KIFC1: variants seen among roughly 807,000 people sequenced by gnomAD.
KIFC1 encodes kinesin-like protein KIFC1.
In KIFC1, 37 loss-of-function variants were observed where a neutral mutation model predicts 66.6. That is an observed-to-expected ratio of 0.56 (90% CI 0.43 to 0.73). KIFC1 has a LOEUF of 0.73. KIFC1 is among the 30% of genes least tolerant of loss of function. The pLI is 0.00. For synonymous variants in KIFC1, 325 were observed against 343.5 expected (o/e 0.95, Z 0.60); for missense variants, 721 against 859.8 (o/e 0.84, Z 2.02).
chr6:33,396,436 C>CTTTTTT (rs199749552), intron 1 of KIFC1, among the ~76,000 whole-genome samples: 312 of 116,226 alleles, frequency 2.7e-3, no homozygotes, highest in African/African-American at 8.1e-3. Flanking sequence ...CTTTTCTTTT[C>CTTTTTT]TTTTTTTTTT....
chr6:33,403,578 G>A lies in KIFC1; in HGVS notation c.355+43G>A. 6.2e-7 allele frequency: 1 copy of A among 1,606,242 alleles called. No homozygotes were observed. The highest frequency in any genetic ancestry group is 8.5e-7 in the Non-Finnish European group (1 of 1,172,848). ...CCACTGGGTGAGAGGCTGGGATAGGGAAGAGAAGATGGTGAGTGACCAGAA... is the reference window on the plus strand; with the variant it reads ...CCACTGGGTGAGAGGCTGGGATAGGAAAGAGAAGATGGTGAGTGACCAGAA... On this transcript the variant is annotated intron_variant, in intron 5 of 10. Coordinates refer to ENST00000428849, the MANE Select transcript of KIFC1 (RefSeq NM_002263.4). This position sits in a 1 kb window ranked among gnomAD's most constrained non-coding sequence, Gnocchi z 4.6.
chr6:33,409,752 T>TGA lies in KIFC1; in HGVS notation c.*63_*64insAG. 1 of 1,422,040 alleles carries TGA rather than the reference T, an allele frequency of 7.0e-7. No homozygotes were observed. The highest frequency in any genetic ancestry group is 9.7e-7 in the Non-Finnish European group (1 of 1,026,894). 88.1% of individuals were successfully genotyped at this position (1,422,040 alleles called of 1,614,324 possible). On this transcript the variant is annotated 3_prime_UTR_variant, in exon 11 of 11. Transcript: ENST00000428849. ...GTGTGTGTGTGTGTGTGTGTGTGTG[T>TGA]GTCCCTATGTCTATGTATCGGGTGA...
In KIFC1 at chr6:33,404,048, C is replaced by T. The variant is rs921717768; in HGVS notation, c.675C>T (p.Gly225=). The part of the protein sequence containing the change: ...ELEERLSTQE[G]LVQELQKKQV... ...AAGAGCGGCTGAGCACGCAGGAGGGCTTGGTGCAAGAGCTTCAGAAAAAAC... is the reference window on the plus strand; with the variant it reads ...AAGAGCGGCTGAGCACGCAGGAGGGTTTGGTGCAAGAGCTTCAGAAAAAAC... Residue 225 remains glycine (G), a synonymous_variant, in exon 6 of 11, where the codon GGC becomes GGT. Transcript: ENST00000428849. The surrounding 1 kb of genome is among the most constrained non-coding windows in gnomAD (Gnocchi z 4.0). 3 of 1,614,092 alleles carry T rather than the reference C, an allele frequency of 1.9e-6. No individual in the cohort carries two copies. Among genetic ancestry groups the T allele is most frequent in the Non-Finnish European group, 2.5e-6 (3 of 1,179,998 alleles).
At position 33,403,239 on chromosome 6, in the gene KIFC1, C is replaced by A; in HGVS notation, c.251-75C>A. ...AATTCTGAGAAAAGCACTTCTTCTG[C>A]CCCTGTCCTAGCAAGTGTACATGCC... On this transcript the variant is annotated intron_variant, in intron 3 of 10. Transcript: ENST00000428849. The surrounding 1 kb of genome is among the most constrained non-coding windows in gnomAD (Gnocchi z 4.6). 1 of 1,330,740 alleles carries A rather than the reference C, an allele frequency of 7.5e-7. No homozygotes were observed. Among genetic ancestry groups the A allele is most frequent in the South Asian group, 1.2e-5 (1 of 85,112 alleles). The allele number at this position is 1,330,740 out of a possible 1,614,324, so 82.4% of individuals were successfully genotyped here. A position where few individuals can be genotyped will look rare whatever the true frequency, so the allele number is the denominator to read the frequency against.
At position 33,406,976 on chromosome 6, in the gene KIFC1, A is replaced by G. The variant is rs938880698; in HGVS notation, c.1977+101A>G. On this transcript the variant is annotated intron_variant, in intron 10 of 10. Transcript: ENST00000428849. This position sits in a 1 kb window ranked among gnomAD's most constrained non-coding sequence, Gnocchi z 4.5. ...TCTAGGGCAGGGAGCACATTTGTGCAGAAAGGTTTTGCAGGTATCTGAGGC... is the reference window on the plus strand; with the variant it reads ...TCTAGGGCAGGGAGCACATTTGTGCGGAAAGGTTTTGCAGGTATCTGAGGC... 3.2e-6 allele frequency: 5 copies of G among 1,539,462 alleles called. No homozygotes were observed. The African/African-American group carries it at 5.5e-5, about 17-fold the overall frequency.
chr6:33,391,894 C>A lies in KIFC1; in HGVS notation c.-92C>A, dbSNP rs1210872592. 89 of 1,510,380 alleles carry A rather than the reference C, an allele frequency of 5.9e-5. No homozygotes were observed. Among genetic ancestry groups the A allele is most frequent in the Non-Finnish European group, 7.5e-5 (82 of 1,091,164 alleles). The allele number at this position is 1,510,380 out of a possible 1,614,324, so 93.6% of individuals were successfully genotyped here. On this transcript the variant is annotated 5_prime_UTR_variant, in exon 1 of 11. Transcript: ENST00000428849. ...GCCGTGCGAGTTCTCTACCCTGCTT[C>A]GCGAGCGGGCGAGAGAACGCGAGTC...
intron 1 of KIFC1, among the ~76,000 whole-genome samples, chr6:33,397,296 CT>C (rs9280438): frequency 0.41 from 41,451 of 102,012 alleles, 6,522 homozygotes; most frequent in Middle Eastern, 0.52. Context: ...TTCTAATGCC[CT>C]TTTTTTTTTT....
At position 33,404,246 on chromosome 6, in the gene KIFC1, G is replaced by A. The variant is rs2151091171; in HGVS notation, c.756+117G>A. On this transcript the variant is annotated intron_variant, in intron 6 of 10. Transcript: ENST00000428849. The surrounding 1 kb of genome is among the most constrained non-coding windows in gnomAD (Gnocchi z 4.0). ...GAGAACTCCTGAGCACCTATCTTTA[G>A]CAGTATAGGTGCTGCTGAAGATACC... 1 of 955,208 alleles carries A rather than the reference G, an allele frequency of 1.0e-6. No homozygotes were observed. Among genetic ancestry groups the A allele is most frequent in the East Asian group, 2.6e-5 (1 of 38,860 alleles). The allele number at this position is 955,208 out of a possible 1,614,324, so 59.2% of individuals were successfully genotyped here.
At chr6:33,395,287 A>C (rs562781675) in intron 1 of KIFC1, among the ~76,000 whole-genome samples, 145 of 152,278 alleles carry the variant, frequency 9.5e-4, no homozygotes, top group African/African-American at 3.3e-3. Context: ...TTTCGAAGAA[A>C]TAATAGAGTT....
intron 1 of KIFC1, among the ~76,000 whole-genome samples, chr6:33,395,442 A>G (rs1774985729): frequency 6.6e-6 from 1 of 152,146 alleles, no homozygotes; most frequent in African/African-American, 2.4e-5. Flanking sequence ...AATGTGATGC[A>G]TATATGAAAG....
At chr6:33,402,816 C>T (rs1286124121) in intron 3 of KIFC1, among the ~76,000 whole-genome samples, 2 of 150,938 alleles carry the variant, frequency 1.3e-5, no homozygotes, top group East Asian at 1.9e-4. Flanking sequence ...GGTGAAACCC[C>T]GTCTTTACTA....
upstream of KIFC1, chr6:33,391,713 GC>G (rs914295128): frequency 3.4e-6 from 2 of 594,778 alleles, no homozygotes; most frequent in African/African-American, 3.7e-5. Context: ...CGCCTGTCGG[GC>G]GGGGTGTGGC....
Position 33,403,534 on chromosome 6 carries a change from C to G in KIFC1, c.354C>G (p.Gly118=). The G allele has an allele frequency of 1.2e-6, 2 of 1,614,000 alleles. No individual in the cohort carries two copies. The highest frequency in any genetic ancestry group is 4.5e-5 in the East Asian group (2 of 44,890). ...PVPAVPVQKS[G]TSGVPPMAGG... ...CTGCTGTTCCTGTCCAGAAGTCTGG[C>G]AGTAAGTGACAAACATAACCACTGG... Residue 118 remains glycine, a splice_region_variant and synonymous_variant, in exon 5 of 11, where the codon GGC becomes GGG. Coordinates refer to ENST00000428849, the MANE Select transcript of KIFC1 (RefSeq NM_002263.4). The surrounding 1 kb of genome is among the most constrained non-coding windows in gnomAD (Gnocchi z 4.6).
chr6:33,403,914 C>T lies in KIFC1; in HGVS notation c.541C>T (p.Leu181=). The change falls in exon 6 of 11, where the codon CTG becomes TTG. Residue 181 remains leucine (L), a synonymous_variant. Transcript: ENST00000428849. This position sits in a 1 kb window ranked among gnomAD's most constrained non-coding sequence, Gnocchi z 4.6. The stretch of plus-strand genomic sequence containing the variant: ...AGATGCCCAGCAGCAGGTCAAGGCC[C>T]TGGGGACAGAGCGCACAACACTGGA... The part of the protein sequence containing the change: ...LRDAQQQVKA[L]GTERTTLEGH... The T allele has an allele frequency of 6.2e-7, 1 of 1,614,232 alleles. No homozygotes were observed. Among genetic ancestry groups the T allele is most frequent in the South Asian group, 1.1e-5 (1 of 91,088 alleles).
chr6:33,397,855 T>A (rs545299066), intron 1 of KIFC1, among the ~76,000 whole-genome samples, 174 bp from the exon 2 acceptor site: 2 of 152,174 alleles, frequency 1.3e-5, no homozygotes, highest in Non-Finnish European at 2.9e-5. Context: ...ATTCCCACTT[T>A]TAGGTTATGT....
intron 1 of KIFC1, among the ~76,000 whole-genome samples, chr6:33,393,097 C>CA (rs557247889): frequency 2.2e-4 from 34 of 152,038 alleles, no homozygotes; most frequent in Non-Finnish European, 3.4e-4. Flanking sequence ...CAGTAACCCC[C>CA]ATGGAAAAGA....
chr6:33,409,734 TGTGTGTGTG>T lies in KIFC1; in HGVS notation c.*45_*53del. The T allele has an allele frequency of 6.8e-6, 10 of 1,463,778 alleles. No homozygotes were observed. Among genetic ancestry groups the T allele is most frequent in the Non-Finnish European group, 8.5e-6 (9 of 1,057,746 alleles). 90.7% of individuals were successfully genotyped at this position (1,463,778 alleles called of 1,614,324 possible). The stretch of plus-strand genomic sequence containing the variant: ...GTGTGTGTGTGTGTGTGTGTGTGTG[TGTGTGTGTG>T]TGTGTGTGTGTCCCTATGTCTATGT... On this transcript the variant is annotated 3_prime_UTR_variant, in exon 11 of 11. Coordinates refer to ENST00000428849, the MANE Select transcript of KIFC1 (RefSeq NM_002263.4).
Position 33,405,772 on chromosome 6 carries a change from T to G in KIFC1, c.1536+141T>G. On this transcript the variant is annotated intron_variant, in intron 7 of 10. Coordinates refer to ENST00000428849, the MANE Select transcript of KIFC1 (RefSeq NM_002263.4). This position sits in a 1 kb window ranked among gnomAD's most constrained non-coding sequence, Gnocchi z 5.4. Reference sequence around the variant, plus strand: ...CAGGCTGGGTTACCACATCCGGTTTTGGCCTGTGGGCTGTCGGTAGATCTG... The same window carrying G: ...CAGGCTGGGTTACCACATCCGGTTTGGGCCTGTGGGCTGTCGGTAGATCTG... The G allele has an allele frequency of 8.2e-5, 75 of 915,562 alleles. No individual in the cohort carries two copies. The highest frequency in any genetic ancestry group is 2.7e-4 in the Middle Eastern group (1 of 3,696). 56.7% of individuals were successfully genotyped at this position (915,562 alleles called of 1,614,324 possible). A position where few individuals can be genotyped will look rare whatever the true frequency, so the allele number is the denominator to read the frequency against.
intron 1 of KIFC1, among the ~76,000 whole-genome samples, chr6:33,392,539 C>G (rs927989888): frequency 1.3e-5 from 2 of 152,200 alleles, no homozygotes; most frequent in Admixed American, 1.3e-4. Context: ...TGTGCAGATT[C>G]CTGCCCAATG....
Sources: gnomAD v4.1 joint callset for allele counts (sites outside exome capture counted in the v4.1 genomes callset) on GRCh38, gnomAD v4.1.1 for gene constraint, Gnocchi (gnomAD v3.1) non-coding constraint, MANE v1.5 for transcripts, NCBI Gene and HGNC (gene_info 2026-07-23, HGNC 2026-07-21) for gene names.